ADAMTS17: variants seen among roughly 807,000 people sequenced by gnomAD.
The protein encoded by ADAMTS17 is A disintegrin and metalloproteinase with thrombospondin motifs 17.
ADAMTS17 carries 113 observed loss-of-function variants against 141.5 expected under a neutral mutation model. That is an observed-to-expected ratio of 0.80 (90% CI 0.69 to 0.93). The LOEUF (loss-of-function observed/expected upper bound fraction) is 0.93, where lower values mean the gene tolerates loss of function less well. ADAMTS17 is among the 40% of genes least tolerant of loss of function. The pLI, the probability that ADAMTS17 is intolerant of heterozygous loss-of-function variation, is 0.00. For missense variants in ADAMTS17, 1,659 were observed against 1,517.9 expected (o/e 1.09, Z -1.54); for synonymous variants, 768 against 630.6 (o/e 1.22, Z -3.27).
At chr15:100,141,442 C>G (rs757034726) in intron 10 of ADAMTS17, among the ~76,000 whole-genome samples, 19 of 152,300 alleles carry the variant, frequency 1.2e-4, no homozygotes, top group South Asian at 4.1e-4. Flanking sequence ...TATAAAGTCT[C>G]TCAAAAATGT....
intron 18 of ADAMTS17, among the ~76,000 whole-genome samples, chr15:100,047,049 G>T (rs994849237): frequency 6.6e-6 from 1 of 151,988 alleles, no homozygotes. Flanking sequence ...GAAAGAGAAT[G>T]AGCCCCTGAG....
At chr15:100,015,001 T>C (rs2061259289) in intron 18 of ADAMTS17, among the ~76,000 whole-genome samples, 1 of 152,222 alleles carries the variant, frequency 6.6e-6, no homozygotes, top group South Asian at 2.1e-4. Context: ...TCTATCTCAT[T>C]TCTTAGGTCT....
chr15:100,227,587 G>A (rs569325904), intron 7 of ADAMTS17, among the ~76,000 whole-genome samples: 21 of 152,322 alleles, frequency 1.4e-4, no homozygotes, highest in Admixed American at 2.0e-4. Flanking sequence ...TCGCTGGATG[G>A]ACAGATCTGT....
chr15:100,200,067 G>A (rs980936721), intron 7 of ADAMTS17, among the ~76,000 whole-genome samples: 1 of 152,242 alleles, frequency 6.6e-6, no homozygotes, highest in Non-Finnish European at 1.5e-5. Context: ...CCAGCGCTGG[G>A]AGAGCCAGGG....
chr15:100,000,566 C>T (rs1194118643), intron 18 of ADAMTS17, among the ~76,000 whole-genome samples: 5 of 152,138 alleles, frequency 3.3e-5, no homozygotes, highest in Admixed American at 6.5e-5. Flanking sequence ...CAGGCTGGAG[C>T]GCAATGGCAC....
At chr15:100,308,603 G>A (rs2141846699) in intron 3 of ADAMTS17, among the ~76,000 whole-genome samples, 1 of 152,286 alleles carries the variant, frequency 6.6e-6, no homozygotes, top group East Asian at 1.9e-4. Flanking sequence ...GGTTGAAACT[G>A]GAATGTCTTC....
chr15:100,169,739 G>A (rs1250025262), intron 8 of ADAMTS17, among the ~76,000 whole-genome samples: 1 of 152,222 alleles, frequency 6.6e-6, no homozygotes, highest in African/African-American at 2.4e-5. Context: ...CTCGAAACCA[G>A]CAGGAAAATC....
chr15:100,220,606 T>C (rs1253830937), intron 7 of ADAMTS17, among the ~76,000 whole-genome samples: 1 of 152,202 alleles, frequency 6.6e-6, no homozygotes, highest in African/African-American at 2.4e-5. Context: ...GCCATCATCA[T>C]GACATAATTC....
chr15:100,038,135 C>T (rs928790155), intron 18 of ADAMTS17, among the ~76,000 whole-genome samples: 6 of 152,206 alleles, frequency 3.9e-5, no homozygotes, highest in African/African-American at 1.2e-4. Flanking sequence ...ATTCTTTCTC[C>T]ACTGATTGCT....
At chr15:100,191,827 G>A (rs1383678968) in intron 8 of ADAMTS17, among the ~76,000 whole-genome samples, 2 of 152,128 alleles carry the variant, frequency 1.3e-5, no homozygotes, top group Non-Finnish European at 2.9e-5. Flanking sequence ...AATGCTGAGT[G>A]GGGCAGAGCA....
At chr15:100,031,586 GCATCTGTCCAGACCAGA>G (rs946780705) in intron 18 of ADAMTS17, among the ~76,000 whole-genome samples, 8 of 152,172 alleles carry the variant, frequency 5.3e-5, no homozygotes, top group Non-Finnish European at 1.0e-4. Flanking sequence ...CATCAACGGA[GCATCTGTCCAGACCAGA>G]CATCTGTCCC....
intron 7 of ADAMTS17, among the ~76,000 whole-genome samples, chr15:100,222,546 CT>C (rs940364813): frequency 1.3e-5 from 2 of 152,236 alleles, no homozygotes; most frequent in African/African-American, 2.4e-5. Flanking sequence ...CGTGTCCCCC[CT>C]GAACCAAGCA....
At chr15:100,091,655 T>G (rs1226204536) in intron 15 of ADAMTS17, among the ~76,000 whole-genome samples, 1 of 152,204 alleles carries the variant, frequency 6.6e-6, no homozygotes, top group African/African-American at 2.4e-5. Context: ...GGCTCCCATT[T>G]TTCCTCATGT....
At chr15:100,112,584 G>A (rs2141121099) in intron 13 of ADAMTS17, among the ~76,000 whole-genome samples, 1 of 152,248 alleles carries the variant, frequency 6.6e-6, no homozygotes, top group East Asian at 1.9e-4. Context: ...ACATGAGGTG[G>A]TGGGATTCAG....
intron 14 of ADAMTS17, among the ~76,000 whole-genome samples, chr15:100,096,799 C>G (rs570210081): frequency 5.8e-4 from 88 of 152,354 alleles, no homozygotes; most frequent in African/African-American, 2.1e-3. Flanking sequence ...GGCAGAGACC[C>G]TGGGGAGAGA....
At position 99,997,314 on chromosome 15, in the gene ADAMTS17, ATGTCACCAATACCATGGCACCGTGT is replaced by A; in HGVS notation, c.2796+46_2796+70del. 1 of 1,568,726 alleles carries A rather than the reference ATGTCACCAATACCATGGCACCGTGT, an allele frequency of 6.4e-7. No individual in the cohort carries two copies. The highest frequency in any genetic ancestry group is 2.2e-5 in the East Asian group (1 of 44,654). The stretch of plus-strand genomic sequence containing the variant: ...CGAGCGAGGGCTGGGAGGCACCAGA[ATGTCACCAATACCATGGCACCGTGT>A]TGGAGTCCCTGTGGCTGAGTCCTGG... On this transcript the variant is annotated intron_variant, in intron 19 of 21. Transcript: ENST00000268070. This position sits in a 1 kb window ranked among gnomAD's most constrained non-coding sequence, Gnocchi z 4.7.
In ADAMTS17 at chr15:100,096,434, C is replaced by A; in HGVS notation, c.2059G>T (p.Asp687Tyr). Residue 687 changes from aspartate to tyrosine, a missense_variant, in exon 15 of 22, where the codon GAC becomes TAC. By Grantham distance (160) the Asp-to-Tyr change is radical. Coordinates refer to ENST00000268070, the MANE Select transcript of ADAMTS17 (RefSeq NM_139057.4). ...TCCCCGCTGCAGACCCCGCATCTGTCCTCTTTGGCTGCAGACCCGATGATG... is the reference window on the plus strand; with the variant it reads ...TCCCCGCTGCAGACCCCGCATCTGTACTCTTTGGCTGCAGACCCGATGATG... ...DGIIGSAAKE[D>Y]RCGVCSGDGK... 6.2e-7 allele frequency: 1 copy of A among 1,614,160 alleles called. No individual in the cohort carries two copies. The highest frequency in any genetic ancestry group is 1.3e-5 in the African/African-American group (1 of 75,050).
intron 10 of ADAMTS17, among the ~76,000 whole-genome samples, chr15:100,148,589 T>A (rs943926009): frequency 6.6e-6 from 1 of 151,760 alleles, no homozygotes; most frequent in African/African-American, 2.4e-5. Context: ...TAATGAGAGG[T>A]GTACTGTCAG....
At position 100,124,835 on chromosome 15, in the gene ADAMTS17, G is replaced by A. The variant is rs183763370; in HGVS notation, c.1721+7172C>T. On this transcript the variant is annotated intron_variant, in intron 12 of 21. Coordinates refer to ENST00000268070, the MANE Select transcript of ADAMTS17 (RefSeq NM_139057.4). ...CCCAAGCGCCTGCAGAACAAGGACC[G>A]TCTCCTGCTGAAGTGGAGTCCTCAG... Among the ~76,000 whole-genome samples the A allele has an allele frequency of 3.2e-3, 493 of 152,272 alleles. 3 individuals are homozygous for A. Among genetic ancestry groups the A allele is most frequent in the Middle Eastern group, 0.017 (5 of 294 alleles).
Sources: allele counts gnomAD v4.1 joint callset (sites outside exome capture counted in the v4.1 genomes callset), GRCh38; gene constraint gnomAD v4.1.1; non-coding constraint Gnocchi (gnomAD v3.1); transcripts MANE v1.5; gene names NCBI Gene and HGNC (gene_info 2026-07-23, HGNC 2026-07-21).